Variants in RBMS3 observed in about 807,000 individuals in gnomAD.
RBMS3 encodes RNA binding motif single stranded interacting protein 3.
A neutral mutation model predicts 66.8 loss-of-function variants in RBMS3; 27 were observed. The ratio of observed to expected loss-of-function variants is 0.40; its 90% CI spans 0.30 to 0.56. The LOEUF (loss-of-function observed/expected upper bound fraction) is 0.56, where lower values mean the gene tolerates loss of function less well. RBMS3 is among the 20% of genes least tolerant of loss of function. The pLI, the probability that RBMS3 is intolerant of heterozygous loss-of-function variation, is 0.40. For missense variants in RBMS3, 513 were observed against 549.5 expected (o/e 0.93, Z 0.66); for synonymous variants, 188 against 183.0 (o/e 1.03, Z -0.22).
intron 4 of RBMS3, among the ~76,000 whole-genome samples, chr3:29,629,368 A>T (rs545551880): frequency 6.6e-6 from 1 of 152,248 alleles, no homozygotes; most frequent in South Asian, 2.1e-4. Flanking sequence ...TCAAAGGAAC[A>T]TTGGTGATGA....
At chr3:29,992,821 A>C (rs1488378789) in intron 14 of RBMS3, among the ~76,000 whole-genome samples, 1 of 152,150 alleles carries the variant, frequency 6.6e-6, no homozygotes, top group Non-Finnish European at 1.5e-5. Flanking sequence ...AATTGATCAG[A>C]TATTGAGGGT....
At chr3:29,898,631 G>A (rs2060181646) in intron 9 of RBMS3, among the ~76,000 whole-genome samples, 1 of 151,480 alleles carries the variant, frequency 6.6e-6, no homozygotes, top group Non-Finnish European at 1.5e-5. Context: ...TACATTAGAG[G>A]GTCTCTGAAT....
At chr3:29,491,801 G>A (rs55791629) in intron 3 of RBMS3, among the ~76,000 whole-genome samples, 1 of 152,150 alleles carries the variant, frequency 6.6e-6, no homozygotes, top group African/African-American at 2.4e-5. Context: ...AGACCATCCT[G>A]GCTAAAACCG....
intron 6 of RBMS3, among the ~76,000 whole-genome samples, chr3:29,780,702 T>C (rs1376020496): frequency 6.6e-6 from 1 of 152,152 alleles, no homozygotes; most frequent in East Asian, 1.9e-4. Context: ...CCTTTTCCTA[T>C]AATACATGCT....
intron 1 of RBMS3, among the ~76,000 whole-genome samples, chr3:29,401,110 G>A (rs2039792620): frequency 6.6e-6 from 1 of 151,964 alleles, no homozygotes; most frequent in Non-Finnish European, 1.5e-5. Flanking sequence ...GGTGTCATAT[G>A]GGATAAGATG....
chr3:29,704,003 G>A (rs919153825), intron 4 of RBMS3, among the ~76,000 whole-genome samples: 1 of 152,200 alleles, frequency 6.6e-6, no homozygotes, highest in South Asian at 2.1e-4. Context: ...TAGGTTGTGT[G>A]TTCCTTATGA....
At chr3:29,786,837 A>T (rs2056837533) in intron 6 of RBMS3, among the ~76,000 whole-genome samples, 2 of 152,242 alleles carry the variant, frequency 1.3e-5, no homozygotes, top group Non-Finnish European at 2.9e-5. Flanking sequence ...AAAAATAAAT[A>T]GATGGGATTT....
chr3:29,854,268 C>T (rs553879561), intron 6 of RBMS3, among the ~76,000 whole-genome samples: 9 of 152,322 alleles, frequency 5.9e-5, no homozygotes, highest in African/African-American at 1.9e-4. Flanking sequence ...GTTTCCGGGC[C>T]TGTCCCCGAT....
At chr3:29,318,668 TC>T (rs2034831627) in intron 1 of RBMS3, among the ~76,000 whole-genome samples, 1 of 151,954 alleles carries the variant, frequency 6.6e-6, no homozygotes, top group Non-Finnish European at 1.5e-5. Context: ...TTAGCTTCTT[TC>T]CTTTGACGTT....
intron 12 of RBMS3, among the ~76,000 whole-genome samples, chr3:29,973,825 G>A (rs1405991868): frequency 6.6e-6 from 1 of 151,684 alleles, no homozygotes; most frequent in Non-Finnish European, 1.5e-5. Context: ...CTTCTTTCAT[G>A]ACCCTATGGC....
chr3:29,794,724 T>A (rs1305190615), intron 6 of RBMS3, among the ~76,000 whole-genome samples: 3 of 152,184 alleles, frequency 2.0e-5, no homozygotes. Flanking sequence ...GCACTACTCG[T>A]CTCTGAAGAG....
intron 4 of RBMS3, among the ~76,000 whole-genome samples, chr3:29,635,693 A>G (rs981075756): frequency 3.3e-5 from 5 of 151,896 alleles, no homozygotes; most frequent in Admixed American, 1.3e-4. Flanking sequence ...TCACTCGGGT[A>G]AAAGCCACAG....
chr3:29,881,787 A>C (rs1403369960), intron 7 of RBMS3, among the ~76,000 whole-genome samples: 1 of 152,190 alleles, frequency 6.6e-6, no homozygotes, highest in Non-Finnish European at 1.5e-5. Context: ...TGGCCAGAAC[A>C]AACAAGCATG....
chr3:29,316,538 C>T (rs2034687627), intron 1 of RBMS3, among the ~76,000 whole-genome samples: 1 of 151,600 alleles, frequency 6.6e-6, no homozygotes, highest in Non-Finnish European at 1.5e-5. Flanking sequence ...GCTATGTATA[C>T]ACTTTCCACT....
At chr3:29,305,586 G>A (rs895740965) in intron 1 of RBMS3, among the ~76,000 whole-genome samples, 9 of 151,866 alleles carry the variant, frequency 5.9e-5, no homozygotes, top group African/African-American at 1.7e-4. Context: ...ACTTAGATAC[G>A]TTGACCAGCC....
In RBMS3 at chr3:29,282,218, G is replaced by T. The variant is rs1191166843; in HGVS notation, c.75+462G>T. Among the ~76,000 whole-genome samples the T allele has an allele frequency of 2.6e-5, 4 of 152,068 alleles. No individual in the cohort carries two copies. The East Asian group carries it at 5.8e-4, about 22-fold the overall frequency. Reference sequence around the variant, plus strand: ...GGTAACTCAAACTTTTAATCGCAGGGTATAGAATGAAAGAAGGGTGTGAGA... The same window carrying T: ...GGTAACTCAAACTTTTAATCGCAGGTTATAGAATGAAAGAAGGGTGTGAGA... On this transcript the variant is annotated intron_variant, in intron 1 of 14. Transcript: ENST00000383767.
At chr3:29,330,154 C>A (rs916040637) in intron 1 of RBMS3, among the ~76,000 whole-genome samples, 4 of 152,184 alleles carry the variant, frequency 2.6e-5, no homozygotes, top group Admixed American at 2.0e-4. Flanking sequence ...AGATCTAACA[C>A]TTGCAACTAT....
At chr3:29,739,605 T>C in intron 4 of RBMS3, 115 bp from the exon 5 acceptor site, 1 of 982,420 alleles carries the variant, frequency 1.0e-6, no homozygotes, top group Non-Finnish European at 1.4e-6. Context: ...GAAAGCACTT[T>C]CAAGAGCATT....
chr3:29,401,017 C>T (rs920392864), intron 1 of RBMS3, among the ~76,000 whole-genome samples: 4 of 151,998 alleles, frequency 2.6e-5, no homozygotes, highest in African/African-American at 9.7e-5. Flanking sequence ...ATCAATATTG[C>T]TGTGAACTTA....
Sources: gnomAD v4.1 joint callset for allele counts (sites outside exome capture counted in the v4.1 genomes callset) on GRCh38, gnomAD v4.1.1 for gene constraint, MANE v1.5 for transcripts, NCBI Gene and HGNC (gene_info 2026-07-23, HGNC 2026-07-21) for gene names.